Variants in ZNF592 observed in about 807,000 individuals in gnomAD.
The protein encoded by ZNF592 is spinocerebellar ataxia, autosomal recessive 5.
ZNF592 carries 11 observed loss-of-function variants against 80.3 expected under a neutral mutation model. The ratio of observed to expected loss-of-function variants is 0.14; its 90% CI spans 0.09 to 0.23. ZNF592 has a LOEUF of 0.23. ZNF592 is among the 10% of genes least tolerant of loss of function. ZNF592 has a pLI of 1.00. For synonymous variants in ZNF592, 646 were observed against 640.3 expected (o/e 1.01, Z -0.13); for missense variants, 1,420 against 1,633.9 (o/e 0.87, Z 2.26).
intron 2 of ZNF592, among the ~76,000 whole-genome samples, chr15:84,769,536 G>C (rs953093776): frequency 4.6e-5 from 7 of 151,054 alleles, no homozygotes; most frequent in African/African-American, 1.5e-4. Context: ...AGTGGTGACT[G>C]CAGAGGCTCA....
intron 4 of ZNF592, among the ~76,000 whole-genome samples, chr15:84,786,841 C>CTTTTTTTTTTTTT (rs35391255): frequency 1.4e-5 from 1 of 70,820 alleles, no homozygotes; most frequent in African/African-American, 6.0e-5. Flanking sequence ...CCTTACGTAT[C>CTTTTTTTTTTTTT]TTTTTTTTTT....
chr15:84,772,202 C>T (rs1042988118), intron 2 of ZNF592, among the ~76,000 whole-genome samples: 3 of 152,148 alleles, frequency 2.0e-5, no homozygotes, highest in East Asian at 3.9e-4. Flanking sequence ...TGAAGTTTCA[C>T]TAAGTTCCCT....
At position 84,803,728 on chromosome 15, in the gene ZNF592, T is replaced by C. The variant is rs984442239; in HGVS notation, c.*1335T>C. The C allele has an allele frequency of 9.2e-5, 14 of 152,246 alleles. No individual in the cohort carries two copies. The highest frequency in any genetic ancestry group is 3.3e-4 in the Admixed American group (5 of 15,288). 9.4% of individuals were successfully genotyped at this position (152,246 alleles called of 1,614,324 possible). On this transcript the variant is annotated 3_prime_UTR_variant, in exon 11 of 11. Transcript: ENST00000560079. ...AAGAGGTTTCTTATTTCTTACAGCA[T>C]CGCTACTGCCACAGAGAACTCAAAT...
intron 3 of ZNF592, among the ~76,000 whole-genome samples, chr15:84,780,624 C>T (rs974116471): frequency 2.0e-5 from 3 of 152,126 alleles, no homozygotes; most frequent in Non-Finnish European, 4.4e-5. Context: ...TTTTCATTTT[C>T]TGTGAGAACT....
rs553071876 is a variant in ZNF592 at position 84,802,536 on chromosome 15, A to G, written c.*143A>G. 31 of 972,514 alleles carry G rather than the reference A, an allele frequency of 3.2e-5. No individual in the cohort carries two copies. In the South Asian group the frequency reaches 3.5e-4, roughly 11 times the overall value. The allele number at this position is 972,514 out of a possible 1,614,324, so 60.2% of individuals were successfully genotyped here. On this transcript the variant is annotated 3_prime_UTR_variant, in exon 11 of 11. Transcript: ENST00000560079. ...GGAGTAGTGTCTGCCCTGAGCTGCC[A>G]GTGCTGGGTATCCCCCAGCCCCAGG... is the stretch of plus-strand genomic sequence containing the variant.
chr15:84,769,188 A>G (rs1291395605), intron 2 of ZNF592, among the ~76,000 whole-genome samples: 1 of 151,806 alleles, frequency 6.6e-6, no homozygotes, highest in Non-Finnish European at 1.5e-5. Flanking sequence ...TGATCAGCCC[A>G]CCTCTGCCTC....
intron 2 of ZNF592, among the ~76,000 whole-genome samples, chr15:84,767,842 A>G (rs1899574142): frequency 6.8e-6 from 1 of 148,004 alleles, no homozygotes; most frequent in Admixed American, 6.7e-5. Flanking sequence ...TTGTTCACGG[A>G]CTTGTATTTT....
At chr15:84,750,320 G>T (rs1204502578) in intron 1 of ZNF592, among the ~76,000 whole-genome samples, 2 of 152,258 alleles carry the variant, frequency 1.3e-5, no homozygotes, top group East Asian at 1.9e-4. Context: ...ATAAATAGTC[G>T]TGGAAATTTA....
intron 1 of ZNF592, among the ~76,000 whole-genome samples, chr15:84,762,974 C>CT (rs1428577467): frequency 6.6e-6 from 1 of 152,196 alleles, no homozygotes; most frequent in Non-Finnish European, 1.5e-5. Context: ...TTATAACACT[C>CT]TAAGTTGTGT....
intron 1 of ZNF592, among the ~76,000 whole-genome samples, chr15:84,754,971 T>G (rs1899125414): frequency 6.7e-6 from 1 of 149,332 alleles, no homozygotes; most frequent in East Asian, 1.9e-4. Flanking sequence ...TTGTTTTTTT[T>G]TTTTTTTTTT....
Position 84,799,851 on chromosome 15 carries a change from A to C in ZNF592, c.3147A>C (p.Thr1049=). The C allele has an allele frequency of 6.2e-7, 1 of 1,614,146 alleles. No homozygotes were observed. The highest frequency in any genetic ancestry group is 8.5e-7 in the Non-Finnish European group (1 of 1,180,036). The change falls in exon 10 of 11, where the codon ACA becomes ACC. Residue 1049 remains threonine, a synonymous_variant. Coordinates refer to ENST00000560079, the MANE Select transcript of ZNF592 (RefSeq NM_014630.3). The surrounding 1 kb of genome is among the most constrained non-coding windows in gnomAD (Gnocchi z 4.2). Reference sequence around the variant, plus strand: ...CGCTGTGCTTCTGCAGGTACTGCACAGAGGACAGCCCCAGCTTTCCTCGGC... The same window carrying C: ...CGCTGTGCTTCTGCAGGTACTGCACCGAGGACAGCCCCAGCTTTCCTCGGC... ...VKKFYTCGYC[T]EDSPSFPRPS... is the part of the protein sequence containing the mutation.
chr15:84,777,953 C>T (rs1962311628), intron 2 of ZNF592, among the ~76,000 whole-genome samples: 1 of 152,134 alleles, frequency 6.6e-6, no homozygotes, highest in South Asian at 2.1e-4. Flanking sequence ...CCGCCTCGGC[C>T]TCCCAAAGTG....
chr15:84,802,419 C>T lies in ZNF592; in HGVS notation c.*26C>T, dbSNP rs1963126518. 1 of 1,612,272 alleles carries T rather than the reference C, an allele frequency of 6.2e-7. No individual in the cohort carries two copies. The highest frequency in any genetic ancestry group is 1.7e-5 in the Admixed American group (1 of 59,900). ...CCGGAGACTTTGCAGTGTGCATGGTCAGGGGTGGTGCCGAAGTGTCTTCCA... is the reference window on the plus strand; with the variant it reads ...CCGGAGACTTTGCAGTGTGCATGGTTAGGGGTGGTGCCGAAGTGTCTTCCA... On this transcript the variant is annotated 3_prime_UTR_variant, in exon 11 of 11. Transcript: ENST00000560079.
chr15:84,786,841 CTT>C (rs35391255), intron 4 of ZNF592, among the ~76,000 whole-genome samples: 2 of 70,816 alleles, frequency 2.8e-5, no homozygotes, highest in Middle Eastern at 0.019. Context: ...CCTTACGTAT[CTT>C]TTTTTTTTTT....
chr15:84,799,807 G>A lies in ZNF592; in HGVS notation c.3138-35G>A. Reference sequence around the variant, plus strand: ...TAGCACTGAGGGAGCCTGCGGCCCGGGCACTTACCTGACCTCTCCGCTGTG... The same window carrying A: ...TAGCACTGAGGGAGCCTGCGGCCCGAGCACTTACCTGACCTCTCCGCTGTG... On this transcript the variant is annotated intron_variant, in intron 9 of 10. Coordinates refer to ENST00000560079, the MANE Select transcript of ZNF592 (RefSeq NM_014630.3). The surrounding 1 kb of genome is among the most constrained non-coding windows in gnomAD (Gnocchi z 4.2). 6.2e-7 allele frequency: 1 copy of A among 1,612,796 alleles called. No individual in the cohort carries two copies. The highest frequency in any genetic ancestry group is 1.7e-5 in the Admixed American group (1 of 60,022).
chr15:84,750,465 A>G (rs1356394960), intron 1 of ZNF592, among the ~76,000 whole-genome samples: 2 of 152,164 alleles, frequency 1.3e-5, no homozygotes, highest in African/African-American at 4.8e-5. Context: ...AATATATAAC[A>G]AAAATATAGT....
chr15:84,753,054 A>G (rs1899057517), intron 1 of ZNF592: 1 of 152,210 alleles, frequency 6.6e-6, no homozygotes, highest in Admixed American at 6.5e-5. Flanking sequence ...TTCTGTTAAC[A>G]TAATCTTTCC....
intron 5 of ZNF592, among the ~76,000 whole-genome samples, chr15:84,796,270 TATATATATATATATATATATATATAAAA>T (rs1567076349): frequency 5.2e-4 from 18 of 34,812 alleles, no homozygotes; most frequent in African/African-American, 2.8e-3. Flanking sequence ...ATATATTTTA[TATATATATATATATATATATATATAAAA>T]AAACGAAGGG....
At chr15:84,790,587 A>G (rs1962718060) in intron 4 of ZNF592, 118 bp from the exon 5 acceptor site, 1 of 999,672 alleles carries the variant, frequency 1.0e-6, no homozygotes, top group Non-Finnish European at 1.6e-6. Flanking sequence ...GTTGGAAGAG[A>G]GAGTGGTTGG....
Sources: gnomAD v4.1 joint callset for allele counts (sites outside exome capture counted in the v4.1 genomes callset) on GRCh38, gnomAD v4.1.1 for gene constraint, Gnocchi (gnomAD v3.1) non-coding constraint, MANE v1.5 for transcripts, NCBI Gene and HGNC (gene_info 2026-07-23, HGNC 2026-07-21) for gene names.